The following GOLGA3 variants were observed in gnomAD, a reference collection of about 807,000 sequenced individuals.
GOLGA3 encodes golgin A3.
Under a neutral mutation model 169.4 loss-of-function variants are expected in GOLGA3, and 75 were observed. The observed-to-expected ratio is 0.44, with a 90% CI of 0.37 to 0.54. GOLGA3 has a LOEUF of 0.54. GOLGA3 is among the 20% of genes least tolerant of loss of function. The probability of loss-of-function intolerance (pLI) is 0.00; values close to 1 mark genes in which losing one functional copy is unlikely to be tolerated. For synonymous variants in GOLGA3, 824 were observed against 822.4 expected (o/e 1.00, Z -0.03); for missense variants, 1,899 against 1,930.0 (o/e 0.98, Z 0.30).
chr12:132,782,564 TGA>T, intron 16 of GOLGA3, 71 bp from the exon 17 acceptor site: 1 of 1,258,448 alleles, frequency 7.9e-7, no homozygotes. Flanking sequence ...CAGAAACAGG[TGA>T]GTTTTCAACA....
Position 132,782,372 on chromosome 12 carries a change from G to C in GOLGA3, c.3389C>G (p.Ala1130Gly). 1 of 1,614,262 alleles carries C rather than the reference G, an allele frequency of 6.2e-7. No individual in the cohort carries two copies. The highest frequency in any genetic ancestry group is 8.5e-7 in the Non-Finnish European group (1 of 1,180,048). ...KLTGLGQSNA[A>G]LREHNSILET... The stretch of plus-strand genomic sequence containing the variant: ...TAGGATGCTGTTGTGTTCCCGCAGA[G>C]CTGCGTTGGACTGACCGAGGCCCGT... Residue 1130 changes from alanine (A) to glycine (G), a missense_variant, in exon 17 of 24, where the codon GCT (alanine) becomes GGT (glycine). Coordinates refer to ENST00000450791, the MANE Select transcript of GOLGA3 (RefSeq NM_001389683.1).
chr12:132,786,402 C>T lies in GOLGA3; in HGVS notation c.3060G>A (p.Ala1020=), dbSNP rs1234317852. 27 of 1,612,806 alleles carry T rather than the reference C, an allele frequency of 1.7e-5. No individual in the cohort carries two copies. The highest frequency in any genetic ancestry group is 1.3e-4 in the East Asian group (6 of 44,846). The change falls in exon 15 of 24, where the codon GCG becomes GCA. Residue 1020 remains alanine (A), a synonymous_variant. Transcript: ENST00000450791. ...CTCGGAGCTGGCCCAGCTCCGCGTC[C>T]GCAGCCTCCTTGGCCGCGAGGGCCT... ...LQEALAAKEA[A]DAELGQLRAQ... is the part of the protein sequence containing the mutation.
intron 4 of GOLGA3, among the ~76,000 whole-genome samples, chr12:132,810,161 T>A (rs1199342955): frequency 6.6e-6 from 1 of 152,138 alleles, no homozygotes. Context: ...GGCAGGAGAA[T>A]CACTTGAACC....
rs1948809193 is a variant in GOLGA3, at chr12:132,795,984, C to A, written c.2337G>T (p.Glu779Asp). The A allele has an allele frequency of 1.2e-6, 2 of 1,613,658 alleles. No individual in the cohort carries two copies. Among genetic ancestry groups the A allele is most frequent in the African/African-American group, 2.7e-5 (2 of 74,930 alleles). The change falls in exon 11 of 24, where the codon GAG becomes GAT. Residue 779 changes from glutamate to aspartate, a missense_variant. By Grantham distance (45) the Glu-to-Asp change is conservative (BLOSUM62 2). Coordinates refer to ENST00000450791, the MANE Select transcript of GOLGA3 (RefSeq NM_001389683.1). ...CACTCTTGGCCGCCTGCAAAGCCGC[C>A]TCCAAGATGATCTTCTCGTTCTGCA... ...CLLQNEKIIL[E>D]AALQAAKSGK...
rs1200079112 is a variant in GOLGA3 at position 132,822,323 on chromosome 12, G to A, written c.-183-12C>T. 7.7e-7 allele frequency: 1 copy of A among 1,297,438 alleles called. No homozygotes were observed. The highest frequency in any genetic ancestry group is 9.9e-7 in the Non-Finnish European group (1 of 1,013,972). 80.4% of individuals were successfully genotyped at this position (1,297,438 alleles called of 1,614,324 possible). A position where few individuals can be genotyped will look rare whatever the true frequency, so the allele number is the denominator to read the frequency against. On this transcript the variant is annotated splice_polypyrimidine_tract_variant and intron_variant, in intron 1 of 23. Coordinates refer to ENST00000450791, the MANE Select transcript of GOLGA3 (RefSeq NM_001389683.1). ...TAATATCATGATACCTGACAGGAGA[G>A]AGAGACAAAATGTATTATGAAACTT...
intron 7 of GOLGA3, among the ~76,000 whole-genome samples, chr12:132,803,093 A>AC (rs1453167653): frequency 1.6e-4 from 10 of 64,036 alleles, no homozygotes; most frequent in Admixed American, 2.0e-4. Context: ...CAAAACAACA[A>AC]AAAAAAACAC....
chr12:132,788,953 A>ACAGGCCCCGCCCCAGACC, intron 13 of GOLGA3, 74 bp downstream of exon 13: 19 of 1,014,706 alleles, frequency 1.9e-5, no homozygotes, highest in Admixed American at 5.9e-5. Context: ...CGCCCCAGAC[A>ACAGGCCCCGCCCCAGACC]CAGGCCCCAC....
At chr12:132,787,564 T>TCC (rs573818017) in intron 13 of GOLGA3, among the ~76,000 whole-genome samples, 43 of 48,758 alleles carry the variant, frequency 8.8e-4, no homozygotes, top group African/African-American at 1.1e-3. Flanking sequence ...CCAGGACCCT[T>TCC]CCTGAGACCC....
intron 1 of GOLGA3, chr12:132,825,567 G>A (rs1360627169): frequency 4.9e-6 from 3 of 613,460 alleles, no homozygotes; most frequent in Non-Finnish European, 8.8e-6. Context: ...TTGAATCCTG[G>A]AGCATCAACA....
intron 4 of GOLGA3, among the ~76,000 whole-genome samples, chr12:132,812,762 T>C (rs997130871): frequency 1.3e-5 from 2 of 152,210 alleles, no homozygotes; most frequent in African/African-American, 2.4e-5. Context: ...AGAGACATCT[T>C]TTCTAAGATA....
In GOLGA3 at chr12:132,789,281, C is replaced by T. The variant is rs563318345; in HGVS notation, c.2557G>A (p.Glu853Lys). 5 of 1,593,052 alleles carry T rather than the reference C, an allele frequency of 3.1e-6. No homozygotes were observed. In the East Asian group the frequency reaches 8.9e-5, roughly 29 times the overall value. ...GAGGTGGCGTCGCGCCGGTAGGCCT[C>T]CACCATCACCTGCCAAAGACAGAGG... is the stretch of plus-strand genomic sequence containing the variant. ...EQFLQQKVMV[E>K]AYRRDATSKD... The change falls in exon 13 of 24, where the codon GAG (glutamate) becomes AAG (lysine). Residue 853 changes from glutamate (E) to lysine (K), a missense_variant. Glu to Lys is a moderately conservative substitution (Grantham distance 56). Transcript: ENST00000450791.
chr12:132,774,811 C>T (rs767370181), intron 22 of GOLGA3: 28 of 471,262 alleles, frequency 5.9e-5, no homozygotes, highest in Non-Finnish European at 1.0e-4. Context: ...CACAGAAAAC[C>T]GCCGGGCGCC....
At position 132,816,652 on chromosome 12, in the gene GOLGA3, A is replaced by G. The variant is rs767254349; in HGVS notation, c.294T>C (p.Ala98=). 22 of 1,614,066 alleles carry G rather than the reference A, an allele frequency of 1.4e-5. No individual in the cohort carries two copies. In the Middle Eastern group the frequency reaches 9.9e-4, roughly 72 times the overall value. Residue 98 remains alanine, a synonymous_variant, in exon 3 of 24, where the codon GCT becomes GCC. Coordinates refer to ENST00000450791, the MANE Select transcript of GOLGA3 (RefSeq NM_001389683.1). ...ACTTCCTTAGGTTGTCATGGAAACC[A>G]GCCACACCTGGAGAGGCATCAGGGC... ...PVGPDASPGV[A]GFHDNLRKSQ... is the part of the protein sequence containing the mutation.
In GOLGA3 at chr12:132,821,765, A is replaced by G. The variant is rs1402312551; in HGVS notation, c.133+231T>C. On this transcript the variant is annotated intron_variant, in intron 2 of 23. Coordinates refer to ENST00000450791, the MANE Select transcript of GOLGA3 (RefSeq NM_001389683.1). ...GCTACTCAGGAGGCTGGGGCAAGAG[A>G]ATGGCATGAACCCGGGAGGCGGAGC... 1.4e-5 allele frequency among the ~76,000 whole-genome samples: 2 copies of G among 146,190 alleles called. 1 individual carries two copies. Among genetic ancestry groups the G allele is most frequent in the Non-Finnish European group, 3.0e-5 (2 of 65,640 alleles).
At chr12:132,817,108 G>A (rs1028248981) in intron 2 of GOLGA3, among the ~76,000 whole-genome samples, 4 of 150,912 alleles carry the variant, frequency 2.7e-5, no homozygotes, top group African/African-American at 9.8e-5. Context: ...ACGCTCTAAC[G>A]TGAACTCACC....
chr12:132,788,943 C>G (rs868671447), intron 13 of GOLGA3, 84 bp downstream of exon 13: 5 of 1,177,844 alleles, frequency 4.2e-6, no homozygotes, highest in Non-Finnish European at 5.8e-6. Flanking sequence ...ACACAGGCCC[C>G]GCCCCAGACA....
At position 132,796,020 on chromosome 12, in the gene GOLGA3, C is replaced by T. The variant is rs758610071; in HGVS notation, c.2301G>A (p.Thr767=). The T allele has an allele frequency of 1.9e-5, 30 of 1,612,886 alleles. No homozygotes were observed. The highest frequency in any genetic ancestry group is 9.3e-5 in the African/African-American group (7 of 74,922). The change falls in exon 11 of 24, where the codon ACG becomes ACA. Residue 767 remains threonine, a synonymous_variant. Coordinates refer to ENST00000450791, the MANE Select transcript of GOLGA3 (RefSeq NM_001389683.1). ...LQGEAASRED[T]ICLLQNEKII... is the part of the protein sequence containing the mutation. ...TCTTCTCGTTCTGCAGGAGGCAGAT[C>T]GTGTCCTCCCTGGAGGCGGCCTCGC... is the stretch of plus-strand genomic sequence containing the variant.
At position 132,791,249 on chromosome 12, in the gene GOLGA3, C is replaced by A; in HGVS notation, c.2514G>T (p.Met838Ile). The A allele has an allele frequency of 6.2e-7, 1 of 1,607,844 alleles. No individual in the cohort carries two copies. The highest frequency in any genetic ancestry group is 8.5e-7 in the Non-Finnish European group (1 of 1,175,410). The change falls in exon 12 of 24, where the codon ATG becomes ATT. Residue 838 changes from methionine (M) to isoleucine (I), a missense_variant. Coordinates refer to ENST00000450791, the MANE Select transcript of GOLGA3 (RefSeq NM_001389683.1). ...QQETAALKKQ[M>I]QKIKEQFLQQ... The stretch of plus-strand genomic sequence containing the variant: ...GGAGAAACTGTTCCTTTATTTTTTG[C>A]ATTTGCTTTTTCAGAGCAGCAGTCT...
intron 1 of GOLGA3, among the ~76,000 whole-genome samples, chr12:132,824,554 T>C (rs1201938265): frequency 6.6e-6 from 1 of 152,200 alleles, no homozygotes; most frequent in Admixed American, 6.5e-5. Flanking sequence ...CCTAGATGTC[T>C]TGACTCAGGG....
Sources: gnomAD v4.1 joint callset for allele counts (sites outside exome capture counted in the v4.1 genomes callset) on GRCh38, gnomAD v4.1.1 for gene constraint, MANE v1.5 for transcripts, NCBI Gene and HGNC (gene_info 2026-07-23, HGNC 2026-07-21) for gene names.